PIP5K1A: variants seen among roughly 807,000 people sequenced by gnomAD.
PIP5K1A encodes the protein phosphatidylinositol 4-phosphate 5-kinase type-1 alpha.
In PIP5K1A, 46 loss-of-function variants were observed where a neutral mutation model predicts 72.9. The ratio of observed to expected loss-of-function variants is 0.63; its 90% CI spans 0.50 to 0.81. The LOEUF (loss-of-function observed/expected upper bound fraction) is 0.81. PIP5K1A is among the 30% of genes least tolerant of loss of function. The pLI, the probability that PIP5K1A is intolerant of heterozygous loss-of-function variation, is 0.00. For missense variants in PIP5K1A, 458 were observed against 706.1 expected (o/e 0.65, Z 3.98); for synonymous variants, 228 against 255.1 (o/e 0.89, Z 1.01).
chr1:151,238,184 T>C lies in PIP5K1A; in HGVS notation c.1148T>C (p.Met383Thr). The C allele has an allele frequency of 1.9e-6, 3 of 1,609,122 alleles. No homozygotes were observed. Among genetic ancestry groups the C allele is most frequent in the South Asian group, 1.1e-5 (1 of 90,966 alleles). The change falls in exon 10 of 16, where the codon ATG (methionine) becomes ACG (threonine). Residue 383 changes from methionine (M) to threonine (T), a missense_variant and splice_region_variant. Around this residue, in one of 3 missense-constraint regions of PIP5K1A, gnomAD observed 220 missense variants for 442.6 expected, o/e 0.50. Transcript: ENST00000368888. The stretch of plus-strand genomic sequence containing the variant: ...CCTTTCCTTTTTGCCTTTTCCAGTA[T>C]GGGTGGCATCCCTGCCCGGAATAGT... ...RGGTMETDDH[M>T]GGIPARNSKG...
chr1:151,211,655 GCGT>G (rs1319899225), intron 1 of PIP5K1A, among the ~76,000 whole-genome samples: 4 of 145,356 alleles, frequency 2.8e-5, no homozygotes, highest in Non-Finnish European at 4.5e-5. Flanking sequence ...AATTAGCCGG[GCGT>G]TGTGGCGGGC....
chr1:151,231,485 C>T (rs980470744), intron 4 of PIP5K1A, among the ~76,000 whole-genome samples, 186 bp from the exon 5 acceptor site: 1 of 152,164 alleles, frequency 6.6e-6, no homozygotes, highest in Admixed American at 6.5e-5. Flanking sequence ...CCAATCTTTA[C>T]TAAGCTTAAT....
chr1:151,243,242 C>G (rs1052956040), intron 14 of PIP5K1A, among the ~76,000 whole-genome samples: 3 of 152,184 alleles, frequency 2.0e-5, no homozygotes, highest in Non-Finnish European at 2.9e-5. Flanking sequence ...TACACTGACC[C>G]CCTCCCAGGG....
chr1:151,205,468 C>T (rs1486567205), intron 1 of PIP5K1A, among the ~76,000 whole-genome samples: 3 of 152,032 alleles, frequency 2.0e-5, no homozygotes, highest in Non-Finnish European at 4.4e-5. Context: ...GAGCTACTGC[C>T]CGGCCTCTCT....
At position 151,198,735 on chromosome 1, in the gene PIP5K1A, G is replaced by A. The variant is rs2101767306; in HGVS notation, c.-262G>A. On this transcript the variant is annotated 5_prime_UTR_variant, in exon 1 of 16. Coordinates refer to ENST00000368888, the MANE Select transcript of PIP5K1A (RefSeq NM_001135638.2). The stretch of plus-strand genomic sequence containing the variant: ...AGCTTAAGCTTACTCTTCTGTGAAA[G>A]GGGAAAGTATCCCCTGTGGAAAGCG... The A allele has an allele frequency of 5.5e-6, 3 of 549,960 alleles. No individual in the cohort carries two copies. The highest frequency in any genetic ancestry group is 6.5e-6 in the Non-Finnish European group (2 of 305,348). 34.1% of individuals were successfully genotyped at this position (549,960 alleles called of 1,614,324 possible).
In PIP5K1A at chr1:151,249,150, G is replaced by C. The variant is rs865810685; in HGVS notation, c.*1285G>C. ...ATCTCAGGCAGATTGTTGAATTCCT[G>C]TTCTATCCCTTCTCTATCCCACCCT... On this transcript the variant is annotated 3_prime_UTR_variant, in exon 16 of 16. Coordinates refer to ENST00000368888, the MANE Select transcript of PIP5K1A (RefSeq NM_001135638.2). 2 of 152,096 alleles carry C rather than the reference G, an allele frequency of 1.3e-5. No individual in the cohort carries two copies. The highest frequency in any genetic ancestry group is 4.1e-4 in the South Asian group (2 of 4,828). The allele number at this position is 152,096 out of a possible 1,614,324, so 9.4% of individuals were successfully genotyped here.
Position 151,231,130 on chromosome 1 carries a change from C to T in PIP5K1A, c.238-541C>T, listed in dbSNP as rs371635525. ...GCTGAGGCATGAGAATCGCTTGAAC[C>T]GGGGAGGCAAAGTTTGCAGTGAGCC... On this transcript the variant is annotated intron_variant, in intron 4 of 15. Transcript: ENST00000368888. Among the ~76,000 whole-genome samples, 5 of 149,150 alleles carry T rather than the reference C, an allele frequency of 3.4e-5. No individual in the cohort carries two copies. In the South Asian group the frequency reaches 6.3e-4, roughly 19 times the overall value.
chr1:151,215,743 G>A (rs115285063), intron 1 of PIP5K1A, among the ~76,000 whole-genome samples: 1 of 152,080 alleles, frequency 6.6e-6, no homozygotes, highest in Non-Finnish European at 1.5e-5. Context: ...TGACTGCTCC[G>A]AGAATTTTTG....
chr1:151,243,493 G>A (rs1692062263), intron 14 of PIP5K1A, among the ~76,000 whole-genome samples: 1 of 152,122 alleles, frequency 6.6e-6, no homozygotes, highest in African/African-American at 2.4e-5. Flanking sequence ...GGGGAGAATG[G>A]GAGGCACAAA....
intron 4 of PIP5K1A, among the ~76,000 whole-genome samples, chr1:151,228,256 A>G (rs915063306): frequency 2.0e-5 from 3 of 151,804 alleles, no homozygotes; most frequent in Non-Finnish European, 4.4e-5. Context: ...GGCTCAAGTG[A>G]TCTTCCTGCC....
At chr1:151,224,548 T>C (rs935790470) in intron 3 of PIP5K1A, 142 bp downstream of exon 3, 60 of 676,858 alleles carry the variant, frequency 8.9e-5, no homozygotes, top group Non-Finnish European at 1.5e-4. Flanking sequence ...CCCTTTAAGA[T>C]ATTCTTATTT....
At position 151,239,129 on chromosome 1, in the gene PIP5K1A, G is replaced by C; in HGVS notation, c.1230-1G>C. On this transcript the variant is annotated splice_acceptor_variant, in intron 10 of 15. Transcript: ENST00000368888. LOFTEE classifies it high-confidence loss of function. ...GTAGGTGATGTACATTTTTCTTGCA[G>C]GTTTGTTAAGAAGTTGGAGCACTCT... The C allele has an allele frequency of 6.2e-7, 1 of 1,608,772 alleles. No individual in the cohort carries two copies. Among genetic ancestry groups the C allele is most frequent in the Non-Finnish European group, 8.5e-7 (1 of 1,175,498 alleles).
chr1:151,207,851 A>T (rs1001204060), intron 1 of PIP5K1A, among the ~76,000 whole-genome samples: 3 of 136,494 alleles, frequency 2.2e-5, no homozygotes, highest in Non-Finnish European at 4.7e-5. Context: ...TAATCTTAAT[A>T]AATATGTTGC....
At chr1:151,238,310 T>TA in intron 10 of PIP5K1A, 45 bp downstream of exon 10, 1 of 1,279,844 alleles carries the variant, frequency 7.8e-7, no homozygotes, top group Non-Finnish European at 1.1e-6. Flanking sequence ...TGGATACAGA[T>TA]AACCAGTCAC....
At chr1:151,222,426 C>T (rs918577528) in intron 1 of PIP5K1A, among the ~76,000 whole-genome samples, 4 of 152,156 alleles carry the variant, frequency 2.6e-5, no homozygotes, top group African/African-American at 9.7e-5. Flanking sequence ...AGCCCTAGAG[C>T]TACATGTTTG....
Position 151,234,424 on chromosome 1 carries a change from C to A in PIP5K1A, c.867C>A (p.Asp289Glu), listed in dbSNP as rs1161771106. The change falls in exon 8 of 16, where the codon GAC becomes GAA. Residue 289 changes from aspartate (D) to glutamate (E), a missense_variant. By Grantham distance (45) the Asp-to-Glu change is conservative. Around this residue, in one of 3 missense-constraint regions of PIP5K1A, gnomAD observed 220 missense variants for 442.6 expected, o/e 0.50. Coordinates refer to ENST00000368888, the MANE Select transcript of PIP5K1A (RefSeq NM_001135638.2). ...PTFKDLDFLQ[D>E]IPDGLFLDAD... ...TTAAAGACCTAGACTTCTTACAAGA[C>A]ATCCCTGATGGTCTTTTTTTGGATG... The A allele has an allele frequency of 6.2e-7, 1 of 1,613,782 alleles. No homozygotes were observed. Among genetic ancestry groups the A allele is most frequent in the East Asian group, 2.2e-5 (1 of 44,886 alleles).
At chr1:151,234,169 C>T in intron 7 of PIP5K1A, 28 bp from the exon 8 acceptor site, 1 of 1,554,016 alleles carries the variant, frequency 6.4e-7, no homozygotes, top group Non-Finnish European at 8.7e-7. Flanking sequence ...AGTTGTTCTC[C>T]TACTTCTGTT....
intron 1 of PIP5K1A, among the ~76,000 whole-genome samples, chr1:151,217,686 A>G (rs1165831774): frequency 2.0e-5 from 3 of 152,194 alleles, no homozygotes; most frequent in African/African-American, 7.2e-5. Context: ...GGCCCAGGCC[A>G]TCTTCCCACC....
chr1:151,196,140 G>C (rs943559105), upstream of PIP5K1A, among the ~76,000 whole-genome samples: 1 of 151,794 alleles, frequency 6.6e-6, no homozygotes, highest in Admixed American at 6.6e-5. Flanking sequence ...CTCGTGATCC[G>C]CCCGCCTCGG....
Sources: gnomAD v4.1 joint callset for allele counts (sites outside exome capture counted in the v4.1 genomes callset) on GRCh38, gnomAD v4.1.1 for gene constraint, gnomAD v4.1.1 regional missense constraint, MANE v1.5 for transcripts, NCBI Gene and HGNC (gene_info 2026-07-23, HGNC 2026-07-21) for gene names.